Variants in ALMS1 observed in about 807,000 individuals in gnomAD.
ALMS1 encodes the protein centrosome-associated protein ALMS1.
A neutral mutation model predicts 352.2 loss-of-function variants in ALMS1; 271 were observed. The observed-to-expected ratio is 0.77, with a 90% confidence interval of 0.70 to 0.85. ALMS1 has a LOEUF of 0.85. Among genes scored for constraint, ALMS1 ranks in the 40% least tolerant of loss-of-function variants. The pLI is 0.00. For synonymous variants in ALMS1, 1,865 were observed against 1,761.2 expected (o/e 1.06, Z -1.48); for missense variants, 5,445 against 4,870.7 (o/e 1.12, Z -3.51).
intron 16 of ALMS1, among the ~76,000 whole-genome samples, chr2:73,579,063 C>CTTTT (rs372240184): frequency 0.16 from 17,836 of 113,908 alleles, 2,933 homozygotes; most frequent in African/African-American, 0.22. Context: ...CTCCTTTATT[C>CTTTT]TTTTTTTATT....
intron 12 of ALMS1, among the ~76,000 whole-genome samples, chr2:73,537,469 A>G (rs1024710227): frequency 5.3e-5 from 8 of 152,142 alleles, no homozygotes; most frequent in African/African-American, 1.9e-4. Context: ...GTACATCCCA[A>G]CATATGTGTG....
chr2:73,601,573 G>C, intron 19 of ALMS1, 137 bp downstream of exon 19: 1 of 1,366,302 alleles, frequency 7.3e-7, no homozygotes, highest in Non-Finnish European at 1.0e-6. Flanking sequence ...CAGTTCACCT[G>C]TTTTCACGCA....
chr2:73,608,450 T>A, intron 21 of ALMS1, 25 bp from the exon 22 acceptor site: 1 of 1,593,046 alleles, frequency 6.3e-7, no homozygotes, highest in Non-Finnish European at 8.6e-7. Flanking sequence ...CCGATTTCTG[T>A]CCTTTCACTG....
intron 10 of ALMS1, among the ~76,000 whole-genome samples, chr2:73,508,615 A>T (rs1673386409): frequency 6.6e-6 from 1 of 152,060 alleles, no homozygotes; most frequent in Non-Finnish European, 1.5e-5. Flanking sequence ...ACTTCCAATT[A>T]TGTGGTCAAT....
chr2:73,404,899 CTTTTTTTT>C (rs58122480), intron 1 of ALMS1, among the ~76,000 whole-genome samples: 1,238 of 60,708 alleles, frequency 0.02, 20 homozygotes, highest in African/African-American at 0.1. Flanking sequence ...TGTCCTGGAC[CTTTTTTTT>C]TTTTTTTTTT....
chr2:73,605,298 C>G (rs1342851585), intron 21 of ALMS1, among the ~76,000 whole-genome samples: 1 of 152,208 alleles, frequency 6.6e-6, no homozygotes, highest in Non-Finnish European at 1.5e-5. Context: ...TTAGACCTTT[C>G]TGACGAGATA....
chr2:73,545,704 T>A (rs949439923), intron 12 of ALMS1, among the ~76,000 whole-genome samples: 1 of 152,206 alleles, frequency 6.6e-6, no homozygotes, highest in Non-Finnish European at 1.5e-5. Flanking sequence ...GATAAATAAT[T>A]TTAGCATATG....
At chr2:73,399,982 G>A (rs1338617461) in intron 1 of ALMS1, among the ~76,000 whole-genome samples, 5 of 143,156 alleles carry the variant, frequency 3.5e-5, no homozygotes, top group Non-Finnish European at 1.5e-5. Flanking sequence ...TTGTCACCCA[G>A]GCTAGAGTGC....
intron 12 of ALMS1, 80 bp from the exon 13 acceptor site, chr2:73,550,187 T>C (rs1674399923): frequency 6.5e-7 from 1 of 1,532,002 alleles, no homozygotes; most frequent in Non-Finnish European, 9.0e-7. Context: ...AGAATTGGTC[T>C]AAGAGGCAAA....
At chr2:73,441,440 A>G (rs1406746171) in intron 7 of ALMS1, among the ~76,000 whole-genome samples, 1 of 152,122 alleles carries the variant, frequency 6.6e-6, no homozygotes, top group East Asian at 1.9e-4. Context: ...TGCTGGCACT[A>G]CAGTTCTGGT....
chr2:73,542,769 T>C (rs1353292031), intron 12 of ALMS1, among the ~76,000 whole-genome samples: 1 of 151,788 alleles, frequency 6.6e-6, no homozygotes, highest in Non-Finnish European at 1.5e-5. Flanking sequence ...TCACAATTGC[T>C]TCAAAGAGAA....
intron 12 of ALMS1, among the ~76,000 whole-genome samples, chr2:73,536,667 G>A (rs1259498162): frequency 6.6e-6 from 1 of 152,052 alleles, no homozygotes; most frequent in Non-Finnish European, 1.5e-5. Flanking sequence ...GGGGCCAAGA[G>A]CAAGACATAC....
At position 73,490,814 on chromosome 2, in the gene ALMS1, G is replaced by A. The variant is rs1206846014; in HGVS notation, c.8855G>A (p.Gly2952Asp). 6.2e-7 allele frequency: 1 copy of A among 1,613,952 alleles called. No homozygotes were observed. The highest frequency in any genetic ancestry group is 1.7e-5 in the Admixed American group (1 of 60,008). The change falls in exon 10 of 23, where the codon GGT becomes GAT. Residue 2952 changes from glycine (G) to aspartate (D), a missense_variant. By Grantham distance (94) the Gly-to-Asp change is moderately conservative (BLOSUM62 -1). Transcript: ENST00000613296. ...GAAAACCATTCTCCCCTTCCTCAAG[G>A]TCAGGATTCTATAGCTTCAGACCTT... ...MRENHSPLPQ[G>D]QDSIASDLPS...
intron 9 of ALMS1, among the ~76,000 whole-genome samples, chr2:73,474,567 C>G (rs751059582): frequency 2.0e-5 from 3 of 151,856 alleles, no homozygotes; most frequent in Non-Finnish European, 2.9e-5. Flanking sequence ...GTCCACCTCC[C>G]GAGCTCAAGC....
chr2:73,565,164 G>T (rs538380986), intron 15 of ALMS1, among the ~76,000 whole-genome samples: 2 of 152,234 alleles, frequency 1.3e-5, no homozygotes, highest in African/African-American at 4.8e-5. Context: ...AAACAGAAAT[G>T]AGACCCACAA....
At chr2:73,569,008 T>G (rs1674864689) in intron 15 of ALMS1, among the ~76,000 whole-genome samples, 1 of 93,300 alleles carries the variant, frequency 1.1e-5, no homozygotes, top group African/African-American at 3.8e-5. Flanking sequence ...TTTTTTTTTT[T>G]TTTTTTTTTT....
At chr2:73,426,158 C>T (rs1196769900) in intron 5 of ALMS1, among the ~76,000 whole-genome samples, 1 of 152,168 alleles carries the variant, frequency 6.6e-6, no homozygotes, top group Admixed American at 6.5e-5. Flanking sequence ...AAGCAGCCAA[C>T]CTTTGAAGAA....
At chr2:73,548,382 T>TCA (rs1264407223) in intron 12 of ALMS1, among the ~76,000 whole-genome samples, 1 of 152,172 alleles carries the variant, frequency 6.6e-6, no homozygotes, top group Non-Finnish European at 1.5e-5. Flanking sequence ...ATATGTACAT[T>TCA]CACTGACACG....
At position 73,449,731 on chromosome 2, in the gene ALMS1, T is replaced by C. The variant is rs986366645; in HGVS notation, c.3204T>C (p.His1068=). Residue 1068 remains histidine (H), a synonymous_variant, in exon 8 of 23, where the codon CAT becomes CAC. Coordinates refer to ENST00000613296, the MANE Select transcript of ALMS1 (RefSeq NM_001378454.1). ...VLYPQVLSDS[H]LPEESLKVSA... is the part of the protein sequence containing the mutation. ...ACCCACAGGTGTTATCAGACAGTCATCTACCTGAAGAGAGTCTGAAAGTTT... is the reference window on the plus strand; with the variant it reads ...ACCCACAGGTGTTATCAGACAGTCACCTACCTGAAGAGAGTCTGAAAGTTT... 5.0e-6 allele frequency: 8 copies of C among 1,614,140 alleles called. No individual in the cohort carries two copies. Among genetic ancestry groups the C allele is most frequent in the Non-Finnish European group, 6.8e-6 (8 of 1,179,988 alleles).
Sources: gnomAD v4.1 joint callset for allele counts (sites outside exome capture counted in the v4.1 genomes callset) on GRCh38, gnomAD v4.1.1 for gene constraint, MANE v1.5 for transcripts, NCBI Gene and HGNC (gene_info 2026-07-23, HGNC 2026-07-21) for gene names.